Variants in TMEM171 observed in about 807,000 individuals in gnomAD.
TMEM171 encodes the protein proline-rich protein PRP2.
A neutral mutation model predicts 19.1 loss-of-function variants in TMEM171; 16 were observed. The observed-to-expected ratio is 0.84, with a 90% CI of 0.57 to 1.27. The LOEUF is 1.27. Ranked by LOEUF, TMEM171 falls within the 50% of genes most tolerant of loss-of-function variation. TMEM171 has a pLI of 0.00. For missense variants in TMEM171, 429 were observed against 412.7 expected, an observed-to-expected ratio of 1.04 and a Z score of -0.34; for synonymous variants, 153 against 163.4, an observed-to-expected ratio of 0.94 and a Z score of 0.48.
chr5:73,121,471 A>C (rs1438150307), intron 1 of TMEM171, among the ~76,000 whole-genome samples: 3 of 152,232 alleles, frequency 2.0e-5, no homozygotes, highest in Non-Finnish European at 4.4e-5. Context: ...AGAGTTTTGG[A>C]ATGTACTCCC....
intron 3 of TMEM171, among the ~76,000 whole-genome samples, chr5:73,128,954 A>T (rs1055502174): frequency 6.6e-6 from 1 of 152,094 alleles, no homozygotes; most frequent in Non-Finnish European, 1.5e-5. Context: ...TTAGCTGGGG[A>T]TGGTGGTAGG....
chr5:73,127,408 A>C (rs867510470), intron 2 of TMEM171, among the ~76,000 whole-genome samples: 1 of 105,928 alleles, frequency 9.4e-6, no homozygotes, highest in Non-Finnish European at 1.8e-5. Flanking sequence ...TATATATATA[A>C]AGCATAAACA....
intron 3 of TMEM171, among the ~76,000 whole-genome samples, chr5:73,130,672 G>A (rs1580240496): frequency 6.6e-6 from 1 of 152,064 alleles, no homozygotes; most frequent in Middle Eastern, 3.2e-3. Flanking sequence ...AGGGAAAGAG[G>A]TGGCTGACAA....
chr5:73,128,352 T>C, intron 2 of TMEM171, 38 bp from the exon 3 acceptor site: 2 of 1,594,992 alleles, frequency 1.3e-6, no homozygotes, highest in Non-Finnish European at 1.7e-6. Flanking sequence ...TTCCATTTAT[T>C]ACCCACCTGT....
At position 73,123,426 on chromosome 5, in the gene TMEM171, T is replaced by C; in HGVS notation, c.53T>C (p.Val18Ala). The change falls in exon 2 of 4, where the codon GTC becomes GCC. Residue 18 changes from valine to alanine, a missense_variant. By Grantham distance (64) the Val-to-Ala change is moderately conservative. Coordinates refer to ENST00000454765, the MANE Select transcript of TMEM171 (RefSeq NM_173490.8). ...GATGGGGACCAGCAGGACAGACACG[T>C]CAGCAAACTCATCTTCTGCTTCTTT... ...EPDGDQQDRHVSKLIFCFFVF... is the reference protein window; with the variant it reads ...EPDGDQQDRHASKLIFCFFVF... 6.2e-7 allele frequency: 1 copy of C among 1,614,156 alleles called. No homozygotes were observed. Among genetic ancestry groups the C allele is most frequent in the Non-Finnish European group, 8.5e-7 (1 of 1,180,018 alleles).
At chr5:73,128,315 T>C in intron 2 of TMEM171, 75 bp from the exon 3 acceptor site, 1 of 1,560,224 alleles carries the variant, frequency 6.4e-7, no homozygotes, top group Non-Finnish European at 8.7e-7. Flanking sequence ...GCCAAATATA[T>C]AATTAATTTT....
chr5:73,125,587 T>G (rs1007836006), intron 2 of TMEM171, among the ~76,000 whole-genome samples: 1 of 152,154 alleles, frequency 6.6e-6, no homozygotes, highest in African/African-American at 2.4e-5. Flanking sequence ...AAAAAGGGGC[T>G]CCCTTTAATT....
At chr5:73,128,629 C>T (rs578140287) in intron 3 of TMEM171, 98 bp downstream of exon 3, 3 of 1,463,484 alleles carry the variant, frequency 2.0e-6, no homozygotes, top group African/African-American at 2.8e-5. Context: ...GTGTGAGTAT[C>T]TTTTTTGCTG....
In TMEM171 at chr5:73,123,351, C is replaced by A. The variant is rs1216288791; in HGVS notation, c.-23C>A. On this transcript the variant is annotated 5_prime_UTR_variant, in exon 2 of 4. Transcript: ENST00000454765. ...GAAGAAAACACATCCCACCCTGCCT[C>A]CGGGAAGGGGCCTCTCCTGGACATG... The A allele has an allele frequency of 6.3e-7, 1 of 1,585,936 alleles. No homozygotes were observed. The highest frequency in any genetic ancestry group is 8.6e-7 in the Non-Finnish European group (1 of 1,162,436).
In TMEM171 at chr5:73,131,704, C is replaced by T; in HGVS notation, c.949C>T (p.Leu317=). The T allele has an allele frequency of 6.2e-7, 1 of 1,613,404 alleles. No individual in the cohort carries two copies. The highest frequency in any genetic ancestry group is 8.5e-7 in the Non-Finnish European group (1 of 1,179,730). The change falls in exon 4 of 4, where the codon CTA becomes TTA. Residue 317 remains leucine, a synonymous_variant. Coordinates refer to ENST00000454765, the MANE Select transcript of TMEM171 (RefSeq NM_173490.8). ...KENAAATFLP[L]SSEPSPP ...AAATGCTGCAGCTACATTCTTGCCT[C>T]TATCTTCTGAGCCTTCCCCACCGTA...
chr5:73,123,841 G>A lies in TMEM171; in HGVS notation c.468G>A (p.Arg156=). ...CAGACACTGGCGACTCAGAGCCCCG[G>A]ATGTGTGGGTTCCTTTCTCTGCAGA... The part of the protein sequence containing the change: ...NETDTGDSEP[R]MCGFLSLQIM... The change falls in exon 2 of 4, where the codon CGG becomes CGA. Residue 156 remains arginine, a synonymous_variant. Transcript: ENST00000454765. 6.2e-7 allele frequency: 1 copy of A among 1,613,626 alleles called. No individual in the cohort carries two copies. The highest frequency in any genetic ancestry group is 8.5e-7 in the Non-Finnish European group (1 of 1,179,768).
At chr5:73,125,836 C>G (rs1744147936) in intron 2 of TMEM171, among the ~76,000 whole-genome samples, 2 of 152,182 alleles carry the variant, frequency 1.3e-5, no homozygotes, top group East Asian at 3.9e-4. Context: ...AAGTCCCCAT[C>G]AAACCTATGA....
intron 2 of TMEM171, among the ~76,000 whole-genome samples, chr5:73,127,380 A>ATATATATAT (rs1281485655): frequency 1.0e-3 from 62 of 61,468 alleles, no homozygotes; most frequent in African/African-American, 4.6e-3. Flanking sequence ...AAAAAAAAAA[A>ATATATATAT]AAAAATATAT....
At chr5:73,129,549 C>G (rs1285389842) in intron 3 of TMEM171, among the ~76,000 whole-genome samples, 1 of 152,188 alleles carries the variant, frequency 6.6e-6, no homozygotes, top group Non-Finnish European at 1.5e-5. Flanking sequence ...CGTAGATTCC[C>G]TGCCTCCACA....
chr5:73,121,008 G>A (rs1184490831), intron 1 of TMEM171, among the ~76,000 whole-genome samples: 1 of 152,166 alleles, frequency 6.6e-6, no homozygotes, highest in Non-Finnish European at 1.5e-5. Flanking sequence ...AGGGGAGTTT[G>A]GCTTTGGGGA....
chr5:73,123,202 C>T (rs937593321), intron 1 of TMEM171, 104 bp from the exon 2 acceptor site: 1 of 976,830 alleles, frequency 1.0e-6, no homozygotes, highest in Non-Finnish European at 1.5e-6. Context: ...AGTTCTACCC[C>T]CAAGGCCTCA....
Position 73,123,336 on chromosome 5 carries a change from C to A in TMEM171, c.-38C>A. ...CTGAAATCTTGGAGGGAAGAAAACACATCCCACCCTGCCTCCGGGAAGGGG... is the reference window on the plus strand; with the variant it reads ...CTGAAATCTTGGAGGGAAGAAAACAAATCCCACCCTGCCTCCGGGAAGGGG... On this transcript the variant is annotated 5_prime_UTR_variant, in exon 2 of 4. Coordinates refer to ENST00000454765, the MANE Select transcript of TMEM171 (RefSeq NM_173490.8). 6.4e-7 allele frequency: 1 copy of A among 1,569,904 alleles called. No individual in the cohort carries two copies. The highest frequency in any genetic ancestry group is 8.7e-7 in the Non-Finnish European group (1 of 1,155,186).
At chr5:73,120,754 T>G (rs922232998) in intron 1 of TMEM171, 58 bp downstream of exon 1, 159 of 983,886 alleles carry the variant, frequency 1.6e-4, no homozygotes, top group Non-Finnish European at 1.8e-4. Flanking sequence ...CGCTGAGCTG[T>G]GCGGCCAGGC....
At position 73,131,757 on chromosome 5, in the gene TMEM171, T is replaced by C; in HGVS notation, c.*27T>C. ...CTATGGACTCTAGTTCAGTTTTATA[T>C]GCAATGGATCACTATTTTATTTAAT... is the stretch of plus-strand genomic sequence containing the variant. On this transcript the variant is annotated 3_prime_UTR_variant, in exon 4 of 4. Coordinates refer to ENST00000454765, the MANE Select transcript of TMEM171 (RefSeq NM_173490.8). The C allele has an allele frequency of 1.3e-6, 2 of 1,533,020 alleles. No individual in the cohort carries two copies. The highest frequency in any genetic ancestry group is 1.3e-5 in the South Asian group (1 of 77,378). The allele number at this position is 1,533,020 out of a possible 1,614,324, so 95.0% of individuals were successfully genotyped here.
Sources: gnomAD v4.1 joint callset for allele counts (sites outside exome capture counted in the v4.1 genomes callset) on GRCh38, gnomAD v4.1.1 for gene constraint, MANE v1.5 for transcripts, NCBI Gene and HGNC (gene_info 2026-07-23, HGNC 2026-07-21) for gene names.